The following NOB1 variants were observed in gnomAD, a reference collection of about 807,000 sequenced individuals.
NOB1 encodes NIN1 (RPN12) binding protein 1 homolog.
Under a neutral mutation model 44.8 loss-of-function variants are expected in NOB1, and 44 were observed. The ratio of observed to expected loss-of-function variants is 0.98; its 90% CI spans 0.77 to 1.26. NOB1 has a LOEUF of 1.26. NOB1 is among the 50% of genes most tolerant of loss of function. The pLI is 0.00. For synonymous variants in NOB1, 238 were observed against 218.7 expected (o/e 1.09, Z -0.78); for missense variants, 560 against 544.8 (o/e 1.03, Z -0.28).
intron 7 of NOB1, among the ~76,000 whole-genome samples, chr16:69,746,567 C>A (rs1341657033): frequency 6.6e-6 from 1 of 152,234 alleles, no homozygotes; most frequent in East Asian, 1.9e-4. Context: ...GTCCTTGACA[C>A]AACTGTCTTC....
rs548876427 is a variant in NOB1, at chr16:69,754,671, T to C, written c.119A>G (p.Lys40Arg). ...IREVVTEIRDKATRRRLAVLP... is the reference protein window; with the variant it reads ...IREVVTEIRDRATRRRLAVLP... ...GACAGCGAGCCGCCTGCGTGTGGCC[T>C]TGTCCCGAATCTCAGTGACCACCTC... Residue 40 changes from lysine to arginine, a missense_variant, in exon 2 of 9, where the codon AAG becomes AGG. Coordinates refer to ENST00000268802, the MANE Select transcript of NOB1 (RefSeq NM_014062.3). The C allele has an allele frequency of 6.2e-7, 1 of 1,614,188 alleles. No homozygotes were observed. Among genetic ancestry groups the C allele is most frequent in the African/African-American group, 1.3e-5 (1 of 75,062 alleles).
intron 8 of NOB1, among the ~76,000 whole-genome samples, chr16:69,743,168 T>C (rs563052981): frequency 6.6e-5 from 10 of 152,290 alleles, no homozygotes; most frequent in African/African-American, 1.7e-4. Flanking sequence ...ATGACAGTGA[T>C]AGATCACAAC....
At chr16:69,746,185 C>T (rs962164943) in intron 7 of NOB1, among the ~76,000 whole-genome samples, 7 of 152,222 alleles carry the variant, frequency 4.6e-5, no homozygotes, top group African/African-American at 7.2e-5. Flanking sequence ...ACACAGGCAA[C>T]GCCCCGCCCA....
At chr16:69,745,161 T>C (rs977565597) in intron 7 of NOB1, 144 bp from the exon 8 acceptor site, 2 of 817,534 alleles carry the variant, frequency 2.4e-6, no homozygotes, top group Admixed American at 5.4e-5. Context: ...CGGAGGCCAC[T>C]GAAGCTGTCA....
chr16:69,752,160 C>G (rs1427896329), intron 3 of NOB1, 81 bp downstream of exon 3: 5 of 1,342,356 alleles, frequency 3.7e-6, no homozygotes, highest in African/African-American at 1.4e-5. Flanking sequence ...ACCCTGGGTC[C>G]ATTACACTAG....
intron 7 of NOB1, among the ~76,000 whole-genome samples, chr16:69,746,357 C>T (rs928671866): frequency 6.6e-6 from 1 of 152,246 alleles, no homozygotes; most frequent in Admixed American, 6.5e-5. Flanking sequence ...CCTCAGGCCA[C>T]ACTCCACCAG....
rs752308975 is a variant in NOB1 at position 69,748,276 on chromosome 16, A to T, written c.780T>A (p.Ile260=). The change falls in exon 7 of 9, where the codon ATT becomes ATA. Residue 260 remains isoleucine (I), a synonymous_variant. Transcript: ENST00000268802. Reference sequence around the variant, plus strand: ...GCAAGATGTAGCTCCGGGCCTCACGAATCAGCATGCCGTTCACCGCCAGCA... The same window carrying T: ...GCAAGATGTAGCTCCGGGCCTCACGTATCAGCATGCCGTTCACCGCCAGCA... ...LHVLAVNGML[I]REARSYILRC... The T allele has an allele frequency of 6.2e-7, 1 of 1,614,140 alleles. No homozygotes were observed. The highest frequency in any genetic ancestry group is 8.5e-7 in the Non-Finnish European group (1 of 1,179,966).
intron 3 of NOB1, among the ~76,000 whole-genome samples, chr16:69,751,790 A>C (rs1367193669): frequency 6.6e-6 from 1 of 152,214 alleles, no homozygotes; most frequent in African/African-American, 2.4e-5. Context: ...GGCCGGGCGC[A>C]CTGGCTCACG....
intron 2 of NOB1, 134 bp from the exon 3 acceptor site, chr16:69,752,505 A>T (rs191936182): frequency 1.2e-5 from 11 of 921,438 alleles, no homozygotes; most frequent in Middle Eastern, 2.5e-4. Flanking sequence ...AAGGATCACT[A>T]TGTCATGAAA....
At chr16:69,752,402 G>A in intron 2 of NOB1, 31 bp from the exon 3 acceptor site, 2 of 1,600,508 alleles carry the variant, frequency 1.2e-6, no homozygotes, top group Non-Finnish European at 1.7e-6. Flanking sequence ...TCTTCAGTTA[G>A]AGGTAAAAAG....
intron 7 of NOB1, among the ~76,000 whole-genome samples, chr16:69,746,952 G>A (rs769200806): frequency 1.3e-5 from 2 of 151,934 alleles, no homozygotes; most frequent in South Asian, 2.1e-4. Flanking sequence ...GGCCAGGCGC[G>A]GTGGCTCATG....
intron 3 of NOB1, among the ~76,000 whole-genome samples, chr16:69,751,958 T>A (rs1329374920): frequency 6.6e-6 from 1 of 151,522 alleles, no homozygotes; most frequent in Non-Finnish European, 1.5e-5. Context: ...CCAACTACTC[T>A]CGAGACTGAG....
chr16:69,751,017 T>G (rs1280390042), intron 3 of NOB1, among the ~76,000 whole-genome samples: 1 of 152,168 alleles, frequency 6.6e-6, no homozygotes, highest in Non-Finnish European at 1.5e-5. Context: ...CAATAGGAAG[T>G]CAAAGTTTTG....
At chr16:69,753,437 C>G (rs955009230) in intron 2 of NOB1, among the ~76,000 whole-genome samples, 2 of 152,302 alleles carry the variant, frequency 1.3e-5, no homozygotes, top group East Asian at 3.9e-4. Context: ...ACAAGGAACA[C>G]TAGGTATATT....
chr16:69,749,154 A>G, intron 5 of NOB1, 36 bp from the exon 6 acceptor site: 3 of 1,601,600 alleles, frequency 1.9e-6, no homozygotes, highest in Non-Finnish European at 1.7e-6. Context: ...CTCCCAACCC[A>G]CAGGAGCAGT....
At chr16:69,754,541 C>T in intron 2 of NOB1, 53 bp downstream of exon 2, 1 of 1,604,436 alleles carries the variant, frequency 6.2e-7, no homozygotes, top group East Asian at 2.2e-5. Flanking sequence ...AACTGGGTGC[C>T]ATCTGCGCCC....
At chr16:69,750,398 T>G (rs186672273) in intron 3 of NOB1, among the ~76,000 whole-genome samples, 5 of 151,746 alleles carry the variant, frequency 3.3e-5, no homozygotes, top group South Asian at 2.1e-4. Context: ...AAGGCTGAGG[T>G]AGGAGGATTG....
chr16:69,748,879 T>A (rs183421814), intron 6 of NOB1, 39 bp downstream of exon 6: 12 of 1,514,084 alleles, frequency 7.9e-6, no homozygotes, highest in Non-Finnish European at 1.1e-5. Context: ...CCACTGCCGA[T>A]GACGTGTGTG....
chr16:69,752,473 G>C, intron 2 of NOB1, 102 bp from the exon 3 acceptor site: 1 of 1,187,180 alleles, frequency 8.4e-7, no homozygotes, highest in Non-Finnish European at 1.2e-6. Flanking sequence ...TCAAAATAAT[G>C]GAAGTATCAA....
Sources: gnomAD v4.1 joint callset for allele counts (sites outside exome capture counted in the v4.1 genomes callset) on GRCh38, gnomAD v4.1.1 for gene constraint, MANE v1.5 for transcripts, NCBI Gene and HGNC (gene_info 2026-07-23, HGNC 2026-07-21) for gene names.